The following TULP4 variants were observed in gnomAD, a reference collection of about 807,000 sequenced individuals.
The protein encoded by TULP4 is tubby-related protein 4.
A neutral mutation model predicts 129.0 loss-of-function variants in TULP4; 16 were observed. The observed-to-expected ratio is 0.12, with a 90% CI of 0.08 to 0.19. TULP4 has a LOEUF of 0.19. TULP4 is among the 10% of genes least tolerant of loss of function. TULP4 has a pLI of 1.00. For missense variants in TULP4, 1,842 were observed against 2,059.1 expected (o/e 0.89, Z 2.04); for synonymous variants, 998 against 854.0 (o/e 1.17, Z -2.94).
chr6:158,481,213 C>T lies in TULP4; in HGVS notation c.1410C>T (p.Pro470=), dbSNP rs370563236. 6.2e-7 allele frequency: 1 copy of T among 1,614,122 alleles called. No homozygotes were observed. Among genetic ancestry groups the T allele is most frequent in the Non-Finnish European group, 8.5e-7 (1 of 1,180,050 alleles). ...LYLEYLGGLV[P]ILKGRRISKL... ...TGGAGTACCTGGGCGGGCTTGTGCC[C>T]ATCCTCAAAGGGCGGCGCATCAGCA... The change falls in exon 8 of 14, where the codon CCC becomes CCT. Residue 470 remains proline, a synonymous_variant. Transcript: ENST00000367097.
chr6:158,233,657 C>T (rs1043832706), intron 1 of TULP4, among the ~76,000 whole-genome samples: 8 of 152,234 alleles, frequency 5.3e-5, no homozygotes, highest in African/African-American at 1.9e-4. Context: ...TGGGCACACT[C>T]ATCTCGCGTT....
At chr6:158,294,266 G>A (rs1191356263) in intron 1 of TULP4, among the ~76,000 whole-genome samples, 1 of 151,884 alleles carries the variant, frequency 6.6e-6, no homozygotes, top group Non-Finnish European at 1.5e-5. Flanking sequence ...GGGAGGCTGA[G>A]GCAGGAGAAT....
chr6:158,242,264 C>CT (rs1777936070), intron 1 of TULP4: 2 of 1,551,688 alleles, frequency 1.3e-6, no homozygotes, highest in South Asian at 2.2e-5. Flanking sequence ...TGGCCGTGGT[C>CT]TATCAGTGCA....
At chr6:158,256,573 G>A (rs1459605103) in intron 1 of TULP4, among the ~76,000 whole-genome samples, 2 of 152,160 alleles carry the variant, frequency 1.3e-5, no homozygotes, top group Admixed American at 6.5e-5. Flanking sequence ...GTCTGAAATT[G>A]AACTTTTTAG....
chr6:158,456,327 C>T (rs1779290854), intron 5 of TULP4, among the ~76,000 whole-genome samples: 1 of 152,170 alleles, frequency 6.6e-6, no homozygotes, highest in Admixed American at 6.5e-5. Flanking sequence ...GCCTGTGGGC[C>T]ACATGCAGCC....
chr6:158,351,427 C>A (rs372015413), intron 1 of TULP4, among the ~76,000 whole-genome samples: 1 of 152,024 alleles, frequency 6.6e-6, no homozygotes, highest in Non-Finnish European at 1.5e-5. Flanking sequence ...TTCAGCAACC[C>A]GTTTTTGCAA....
At chr6:158,311,615 C>G (rs1469322509), upstream of TULP4, among the ~76,000 whole-genome samples, 2 of 152,118 alleles carry the variant, frequency 1.3e-5, no homozygotes, top group African/African-American at 4.8e-5. Context: ...GAGGGAATAT[C>G]TTTTATTAAT....
chr6:158,353,322 T>C (rs1780571113), intron 1 of TULP4, among the ~76,000 whole-genome samples: 1 of 148,904 alleles, frequency 6.7e-6, no homozygotes, highest in African/African-American at 2.4e-5. Flanking sequence ...TCTTTCTTTA[T>C]TCCCATTAGG....
chr6:158,401,444 G>A (rs1777846941), intron 1 of TULP4, among the ~76,000 whole-genome samples: 1 of 152,152 alleles, frequency 6.6e-6, no homozygotes, highest in Admixed American at 6.5e-5. Context: ...GCATATGTGT[G>A]CACGCAGTTT....
chr6:158,451,615 T>TTCTCTCCAAA (rs1779164160), intron 4 of TULP4, among the ~76,000 whole-genome samples: 1 of 152,212 alleles, frequency 6.6e-6, no homozygotes, highest in Non-Finnish European at 1.5e-5. Context: ...ATGAGCCACA[T>TTCTCTCCAAA]TTAGCCCAAC....
chr6:158,393,939 A>G (rs973702252), intron 1 of TULP4, among the ~76,000 whole-genome samples: 1 of 152,192 alleles, frequency 6.6e-6, no homozygotes, highest in Non-Finnish European at 1.5e-5. Flanking sequence ...TTTCCTTTCT[A>G]CCACATGGCC....
At chr6:158,311,219 A>G (rs977172298), upstream of TULP4, among the ~76,000 whole-genome samples, 1 of 152,166 alleles carries the variant, frequency 6.6e-6, no homozygotes, top group Non-Finnish European at 1.5e-5. Context: ...AGCTTATTAG[A>G]AATGCGAACA....
chr6:158,464,147 G>T (rs1229137482), intron 6 of TULP4, among the ~76,000 whole-genome samples: 1 of 152,174 alleles, frequency 6.6e-6, no homozygotes, highest in Non-Finnish European at 1.5e-5. Context: ...AGCAACCATG[G>T]CCTAGGACAC....
At chr6:158,388,322 C>CTGTTTTTTTTTTT (rs1777499090) in intron 1 of TULP4, among the ~76,000 whole-genome samples, 1 of 86,260 alleles carries the variant, frequency 1.2e-5, no homozygotes, top group African/African-American at 5.0e-5. Context: ...GCTCGTTTTT[C>CTGTTTTTTTTTTT]TTTTTTTTTT....
chr6:158,414,625 C>A (rs763725604), intron 2 of TULP4, among the ~76,000 whole-genome samples: 1 of 152,162 alleles, frequency 6.6e-6, no homozygotes, highest in Admixed American at 6.5e-5. Context: ...TGTGAAATGA[C>A]CGCCTCTCCG....
Position 158,238,133 on chromosome 6 carries a change from C to A in TULP4, n.68+5830C>A, listed in dbSNP as rs989970470. 5.4e-6 allele frequency: 4 copies of A among 745,098 alleles called. No individual in the cohort carries two copies. In the African/African-American group the frequency reaches 6.9e-5, roughly 13 times the overall value. 46.2% of individuals were successfully genotyped at this position (745,098 alleles called of 1,614,324 possible). On this transcript the variant is annotated intron_variant and non_coding_transcript_variant, in intron 1 of 1. Coordinates refer to the TULP4 transcript ENST00000620026. ...ACACCATGCCTGGTTTCTGCTTTAA[C>A]TCCTCTCTGCTTCTCAATATTAGAC...
intron 1 of TULP4, among the ~76,000 whole-genome samples, chr6:158,318,181 TG>T (rs1779535366): frequency 1.3e-5 from 2 of 152,168 alleles, no homozygotes; most frequent in Admixed American, 6.5e-5. Flanking sequence ...TCCATTTGGC[TG>T]GGCATGGTGG....
chr6:158,475,264 G>A (rs542420305), intron 6 of TULP4, among the ~76,000 whole-genome samples: 7 of 152,212 alleles, frequency 4.6e-5, no homozygotes, highest in Non-Finnish European at 8.8e-5. Flanking sequence ...TGGGCCACTC[G>A]CCTCCAGCAC....
intron 1 of TULP4, 121 bp downstream of exon 1, chr6:158,314,389 C>T: frequency 1.7e-6 from 2 of 1,186,734 alleles, no homozygotes; most frequent in Non-Finnish European, 2.4e-6. Flanking sequence ...ACTTCCCATG[C>T]TGTGAGTTCT....
Sources: gnomAD v4.1 joint callset for allele counts (sites outside exome capture counted in the v4.1 genomes callset) on GRCh38, gnomAD v4.1.1 for gene constraint, MANE v1.5 for transcripts, NCBI Gene and HGNC (gene_info 2026-07-23, HGNC 2026-07-21) for gene names.